RASL12: variants seen among roughly 807,000 people sequenced by gnomAD.
The protein encoded by RASL12 is RAS like family 12.
RASL12 carries 16 observed loss-of-function variants against 22.9 expected under a neutral mutation model. That is an observed-to-expected ratio of 0.70 (90% CI 0.47 to 1.06). The LOEUF is 1.06. Ranked by LOEUF, RASL12 falls within the 50% of genes least tolerant of loss-of-function variation. The pLI, the probability that RASL12 is intolerant of heterozygous loss-of-function variation, is 0.00. For synonymous variants in RASL12, 159 were observed against 152.2 expected, an observed-to-expected ratio of 1.04 and a Z score of -0.33; for missense variants, 306 against 353.1, an observed-to-expected ratio of 0.87 and a Z score of 1.07.
chr15:65,048,636 C>G (rs529196775), downstream of RASL12, among the ~76,000 whole-genome samples: 1 of 152,160 alleles, frequency 6.6e-6, no homozygotes, highest in South Asian at 2.1e-4. Context: ...ATTTTAGTTA[C>G]GTTTATCTCC....
chr15:65,068,198 C>G (rs572680169), upstream of RASL12: 560 of 994,394 alleles, frequency 5.6e-4, 1 homozygote, highest in African/African-American at 9.4e-3. The surrounding 1 kb of genome is among the most constrained non-coding windows in gnomAD (Gnocchi z 4.2). Flanking sequence ...GCCCCCAAAC[C>G]CGGCCGGGAA....
chr15:65,057,839 G>A (rs1275787928), intron 4 of RASL12, among the ~76,000 whole-genome samples: 1 of 152,186 alleles, frequency 6.6e-6, no homozygotes, highest in African/African-American at 2.4e-5. Context: ...GTGAGTCCAA[G>A]AGAATCCACA....
At chr15:65,072,476 T>A (rs190070501), upstream of RASL12, among the ~76,000 whole-genome samples, 100 of 152,276 alleles carry the variant, frequency 6.6e-4, no homozygotes, top group African/African-American at 2.4e-3. Flanking sequence ...TTCTACTTGG[T>A]CATTGTGAGC....
chr15:65,066,041 T>TAGAGA (rs201555916), intron 1 of RASL12, among the ~76,000 whole-genome samples: 9,302 of 132,560 alleles, frequency 0.07, 360 homozygotes, highest in Middle Eastern at 0.13. Context: ...AAGAGAAGAG[T>TAGAGA]AGAGAAGAGA....
At chr15:65,057,334 G>T (rs753213870) in intron 4 of RASL12, among the ~76,000 whole-genome samples, 1 of 152,204 alleles carries the variant, frequency 6.6e-6, no homozygotes, top group Non-Finnish European at 1.5e-5. Flanking sequence ...GGCCACAGAG[G>T]ACAAAGGTCA....
At chr15:65,047,082 T>C in the RASL12 span, among the ~76,000 whole-genome samples, 4 of 151,944 alleles carry the variant, frequency 2.6e-5, no homozygotes, top group African/African-American at 9.7e-5. Context: ...AAAGGCTGGG[T>C]GCAGTGGCTC....
chr15:65,072,246 T>G (rs1172898288), upstream of RASL12, among the ~76,000 whole-genome samples: 2 of 152,210 alleles, frequency 1.3e-5, no homozygotes, highest in Non-Finnish European at 1.5e-5. Flanking sequence ...GTCTGGTCCC[T>G]GGGGCAGAGT....
Position 65,054,904 on chromosome 15 carries a change from A to G in RASL12, c.796T>C (p.Phe266Leu). 1.2e-6 allele frequency: 2 copies of G among 1,607,814 alleles called. No homozygotes were observed. Among genetic ancestry groups the G allele is most frequent in the Non-Finnish European group, 1.7e-6 (2 of 1,175,376 alleles). ...TLTLLKGFKIF is the reference protein window; with the variant it reads ...TLTLLKGFKIL The stretch of plus-strand genomic sequence containing the variant: ...GGCTTCCTGGGGAGGGGGCCTCAGA[A>G]GATCTTGAAGCCCTTCAGGAGAGTC... Residue 266 changes from phenylalanine to leucine, a missense_variant, in exon 5 of 5, where the codon TTC becomes CTC. Physicochemically the swap from Phe to Leu is conservative, Grantham distance 22. Transcript: ENST00000220062.
At chr15:65,075,207 G>T (rs981761702) in intron 1 of RASL12, among the ~76,000 whole-genome samples, 3 of 152,240 alleles carry the variant, frequency 2.0e-5, no homozygotes, top group African/African-American at 7.2e-5. Flanking sequence ...CCCCAGCAAT[G>T]CCAGCCCACC....
chr15:65,048,596 T>G (rs535025154), downstream of RASL12, among the ~76,000 whole-genome samples: 8 of 152,370 alleles, frequency 5.3e-5, no homozygotes, highest in South Asian at 1.0e-3. Flanking sequence ...TGTTTTATAA[T>G]TGATCTGTTC....
chr15:65,051,390 T>G, downstream of RASL12: 1 of 833,254 alleles, frequency 1.2e-6, no homozygotes, highest in Non-Finnish European at 2.0e-6. Context: ...CCATCTTTGA[T>G]TAGGGTCTCC....
the RASL12 span, among the ~76,000 whole-genome samples, chr15:65,047,818 TA>T: frequency 6.6e-6 from 1 of 151,906 alleles, no homozygotes; most frequent in African/African-American, 2.4e-5. Flanking sequence ...GATAGATAGA[TA>T]GATAGATAGA....
intron 1 of RASL12, 21 bp from the exon 2 acceptor site, chr15:65,065,294 T>C (rs1183884269): frequency 6.2e-7 from 1 of 1,607,960 alleles, no homozygotes; most frequent in East Asian, 2.2e-5. Context: ...CAGAAAGAGG[T>C]TGGCTCCATC....
chr15:65,055,353 C>G, intron 4 of RASL12, 79 bp from the exon 5 acceptor site: 2 of 1,312,888 alleles, frequency 1.5e-6, no homozygotes, highest in Non-Finnish European at 2.0e-6. Context: ...ACACCCAGCG[C>G]CCCATGGACT....
chr15:65,059,527 T>C, intron 2 of RASL12, 109 bp from the exon 3 acceptor site: 1 of 816,574 alleles, frequency 1.2e-6, no homozygotes, highest in South Asian at 1.5e-5. Flanking sequence ...GCAGCTGCTC[T>C]GGGGCTGGGA....
At chr15:65,046,912 CA>C in the RASL12 span, among the ~76,000 whole-genome samples, 3 of 149,332 alleles carry the variant, frequency 2.0e-5, no homozygotes, top group Admixed American at 6.7e-5. Flanking sequence ...GACTCTGTCT[CA>C]AAAAACAAAA....
In RASL12 at chr15:65,055,196, G is replaced by A. The variant is rs770908382; in HGVS notation, c.504C>T (p.Asp168=). 1.2e-6 allele frequency: 2 copies of A among 1,611,930 alleles called. No homozygotes were observed. The highest frequency in any genetic ancestry group is 4.5e-5 in the East Asian group (2 of 44,866). Residue 168 remains aspartate, a synonymous_variant, in exon 5 of 5, where the codon GAC becomes GAT. Coordinates refer to ENST00000220062, the MANE Select transcript of RASL12 (RefSeq NM_016563.4). The stretch of plus-strand genomic sequence containing the variant: ...GGAAGACATGCTGCACGTGCTCAAA[G>A]TCCAGACAGGCAGAGACCTCGAAAA... The part of the protein sequence containing the change: ...CLFFEVSACL[D]FEHVQHVFHE...
At chr15:65,075,225 T>C (rs1327674588) in intron 1 of RASL12, among the ~76,000 whole-genome samples, 2 of 152,224 alleles carry the variant, frequency 1.3e-5, no homozygotes, top group South Asian at 2.1e-4. Context: ...ACCGGCGCTG[T>C]GCTTGATTTC....
chr15:65,054,614 T>C lies in RASL12; in HGVS notation c.*285A>G. 2 of 1,273,286 alleles carry C rather than the reference T, an allele frequency of 1.6e-6. No individual in the cohort carries two copies. Among genetic ancestry groups the C allele is most frequent in the East Asian group, 6.2e-5 (2 of 32,116 alleles). 78.9% of individuals were successfully genotyped at this position (1,273,286 alleles called of 1,614,324 possible). ...GCAGCAGGATAGACACTGCAATTTCTTCCTACTTAAGGCTGACCCCAGGTC... is the reference window on the plus strand; with the variant it reads ...GCAGCAGGATAGACACTGCAATTTCCTCCTACTTAAGGCTGACCCCAGGTC... On this transcript the variant is annotated 3_prime_UTR_variant, in exon 5 of 5. Transcript: ENST00000220062.
Sources: gnomAD v4.1 joint callset for allele counts (sites outside exome capture counted in the v4.1 genomes callset) on GRCh38, gnomAD v4.1.1 for gene constraint, Gnocchi (gnomAD v3.1) non-coding constraint, MANE v1.5 for transcripts, NCBI Gene and HGNC (gene_info 2026-07-23, HGNC 2026-07-21) for gene names.